PCMTD1: variants seen among roughly 807,000 people sequenced by gnomAD.
PCMTD1 encodes the protein protein-L-isoaspartate O-methyltransferase domain-containing protein 1.
A neutral mutation model predicts 37.6 loss-of-function variants in PCMTD1; 12 were observed. The observed-to-expected ratio is 0.32, with a 90% confidence interval of 0.20 to 0.52. The LOEUF (loss-of-function observed/expected upper bound fraction) is 0.52, where lower values mean the gene tolerates loss of function less well. Among genes scored for constraint, PCMTD1 ranks in the 20% least tolerant of loss-of-function variants. The probability of loss-of-function intolerance (pLI) is 0.97; values close to 1 mark genes in which losing one functional copy is unlikely to be tolerated. For missense variants in PCMTD1, 235 were observed against 421.3 expected, an observed-to-expected ratio of 0.56 and a Z score of 3.87; for synonymous variants, 117 against 135.8, an observed-to-expected ratio of 0.86 and a Z score of 0.96.
intron 3 of PCMTD1, 102 bp downstream of exon 3, chr8:51,845,559 T>C (rs747712139): frequency 1.4e-5 from 10 of 735,420 alleles, no homozygotes; most frequent in Non-Finnish European, 2.2e-5. Context: ...TTTTGCTGCA[T>C]TCAATTGAGC....
intron 4 of PCMTD1, among the ~76,000 whole-genome samples, chr8:51,833,010 AT>A (rs1488433156): frequency 5.9e-5 from 9 of 152,012 alleles, no homozygotes; most frequent in Non-Finnish European, 1.3e-4. Flanking sequence ...CGCCTGGATA[AT>A]TTTTGTATCT....
At chr8:51,829,928 A>T (rs1206629797) in intron 5 of PCMTD1, among the ~76,000 whole-genome samples, 1 of 152,178 alleles carries the variant, frequency 6.6e-6, no homozygotes, top group Non-Finnish European at 1.5e-5. Flanking sequence ...TTAAAAGGCA[A>T]ACTAAGTCAA....
rs2037787805 is a variant in PCMTD1 at position 51,818,213 on chromosome 8, G to C, written c.*2138C>G. 1 of 287,996 alleles carries C rather than the reference G, an allele frequency of 3.5e-6. No individual in the cohort carries two copies. Among genetic ancestry groups the C allele is most frequent in the Non-Finnish European group, 6.7e-6 (1 of 148,574 alleles). The allele number at this position is 287,996 out of a possible 1,614,324, so 17.8% of individuals were successfully genotyped here. ...CTTAAAGTCAATGATAAACTCACAA[G>C]TGTAAAATGAATGCATTTAAAAACA... is the stretch of plus-strand genomic sequence containing the variant. On this transcript the variant is annotated 3_prime_UTR_variant, in exon 6 of 6. Coordinates refer to ENST00000522514, the MANE Select transcript of PCMTD1 (RefSeq NM_052937.4).
rs547030510 is a variant in PCMTD1 at position 51,888,705 on chromosome 8, A to T, written c.-96+10225T>A. Among the ~76,000 whole-genome samples, 3 of 152,218 alleles carry T rather than the reference A, an allele frequency of 2.0e-5. No individual in the cohort carries two copies. The South Asian group carries it at 6.2e-4, about 32-fold the overall frequency. ...TCATTTTTATCTAGCACCGAGTAAA[A>T]CAAATTAATGTTACTGGTAACTGAA... On this transcript the variant is annotated intron_variant, in intron 1 of 5. Transcript: ENST00000522514.
chr8:51,864,731 T>C (rs1170387380), intron 1 of PCMTD1, among the ~76,000 whole-genome samples: 1 of 152,028 alleles, frequency 6.6e-6, no homozygotes, highest in African/African-American at 2.4e-5. Flanking sequence ...AAAAGGGAAG[T>C]TTACAGCAAT....
intron 2 of PCMTD1, among the ~76,000 whole-genome samples, chr8:51,854,119 A>C (rs1397766590): frequency 6.6e-6 from 1 of 152,232 alleles, no homozygotes; most frequent in Non-Finnish European, 1.5e-5. Flanking sequence ...AAGCCACTTC[A>C]CATCACTGGA....
At chr8:51,820,745 A>T in intron 5 of PCMTD1, 27 bp from the exon 6 acceptor site, 3 of 1,550,800 alleles carry the variant, frequency 1.9e-6, no homozygotes, top group Non-Finnish European at 2.6e-6. Flanking sequence ...AACGCAAGAA[A>T]GAAAATATTA....
intron 1 of PCMTD1, among the ~76,000 whole-genome samples, chr8:51,883,417 G>A (rs1336354326): frequency 6.6e-6 from 1 of 152,040 alleles, no homozygotes; most frequent in East Asian, 1.9e-4. Flanking sequence ...AGAGTAAAAT[G>A]TATATATATG....
intron 5 of PCMTD1, among the ~76,000 whole-genome samples, chr8:51,829,599 G>A (rs552833044): frequency 2.0e-5 from 3 of 152,060 alleles, no homozygotes; most frequent in African/African-American, 4.8e-5. Context: ...TGTGAAACCC[G>A]GTCTCTACTA....
chr8:51,838,494 A>G (rs1353976686), intron 3 of PCMTD1, among the ~76,000 whole-genome samples: 1 of 151,878 alleles, frequency 6.6e-6, no homozygotes, highest in Non-Finnish European at 1.5e-5. Flanking sequence ...TGTCTCAAAG[A>G]AAAAAAAGAA....
chr8:51,831,296 CAA>C (rs10578406), intron 5 of PCMTD1, 146 bp downstream of exon 5: 69,357 of 583,828 alleles, frequency 0.12, 94 homozygotes, highest in South Asian at 0.16. Flanking sequence ...AGACTGTCTC[CAA>C]AAAAAAAAAA....
rs2129298104 is a variant in PCMTD1, at chr8:51,899,015, A to G, written c.-181T>C. ...CAGACGCCGCTACCACCACAATAAC[A>G]ACACGGACGCCACCGCCGAGTGGAG... is the stretch of plus-strand genomic sequence containing the variant. On this transcript the variant is annotated 5_prime_UTR_variant, in exon 1 of 6. Transcript: ENST00000522514. 2.0e-6 allele frequency: 3 copies of G among 1,512,966 alleles called. No homozygotes were observed. The highest frequency in any genetic ancestry group is 2.6e-6 in the Non-Finnish European group (3 of 1,137,676). 93.7% of individuals were successfully genotyped at this position (1,512,966 alleles called of 1,614,324 possible).
At chr8:51,894,264 G>A (rs2129296336) in intron 1 of PCMTD1, among the ~76,000 whole-genome samples, 1 of 152,306 alleles carries the variant, frequency 6.6e-6, no homozygotes, top group South Asian at 2.1e-4. Context: ...AACAGCTGCT[G>A]GGACAGAAAG....
At chr8:51,853,777 C>T (rs1303455657) in intron 2 of PCMTD1, among the ~76,000 whole-genome samples, 1 of 151,954 alleles carries the variant, frequency 6.6e-6, no homozygotes, top group South Asian at 2.1e-4. Context: ...TCAACAGGCC[C>T]CAGTGCAGAC....
intron 2 of PCMTD1, among the ~76,000 whole-genome samples, chr8:51,852,703 A>G (rs913387909): frequency 1.3e-5 from 2 of 152,206 alleles, no homozygotes; most frequent in Admixed American, 1.3e-4. Context: ...GCCTTTTGAT[A>G]CTTTTGAATT....
At chr8:51,862,270 TTTG>T (rs2038483395) in intron 1 of PCMTD1, among the ~76,000 whole-genome samples, 1 of 152,154 alleles carries the variant, frequency 6.6e-6, no homozygotes, top group African/African-American at 2.4e-5. Context: ...TGCTGATTGT[TTTG>T]TTTAGTAAAC....
chr8:51,854,198 T>C (rs1319055589), intron 2 of PCMTD1, among the ~76,000 whole-genome samples: 1 of 152,194 alleles, frequency 6.6e-6, no homozygotes, highest in East Asian at 1.9e-4. Context: ...ATGAAAACTC[T>C]GTAAAACCTG....
At chr8:51,882,906 T>C (rs1293168837) in intron 1 of PCMTD1, among the ~76,000 whole-genome samples, 2 of 148,380 alleles carry the variant, frequency 1.3e-5, no homozygotes, top group Non-Finnish European at 3.0e-5. Flanking sequence ...GGCAGGCGGA[T>C]CACGAGGTCA....
intron 3 of PCMTD1, among the ~76,000 whole-genome samples, chr8:51,840,434 G>C (rs892380031): frequency 2.0e-5 from 3 of 152,002 alleles, no homozygotes; most frequent in Admixed American, 6.6e-5. Context: ...ATTTTAAAAT[G>C]TATTTACATA....
Sources: gnomAD v4.1 joint callset for allele counts (sites outside exome capture counted in the v4.1 genomes callset) on GRCh38, gnomAD v4.1.1 for gene constraint, MANE v1.5 for transcripts, NCBI Gene and HGNC (gene_info 2026-07-23, HGNC 2026-07-21) for gene names.